The following CCNC variants were observed in gnomAD, a reference collection of about 807,000 sequenced individuals.
CCNC encodes cyclin-C.
Under a neutral mutation model 50.0 loss-of-function variants are expected in CCNC, and 19 were observed. The observed-to-expected ratio is 0.38, with a 90% CI of 0.27 to 0.56. The LOEUF (loss-of-function observed/expected upper bound fraction) is 0.56, where lower values mean the gene tolerates loss of function less well. Among genes scored for constraint, CCNC ranks in the 20% least tolerant of loss-of-function variants. The pLI, the probability that CCNC is intolerant of heterozygous loss-of-function variation, is 0.72. For missense variants in CCNC, 200 were observed against 327.1 expected (o/e 0.61, Z 3.00); for synonymous variants, 93 against 103.7 (o/e 0.90, Z 0.63).
chr6:99,549,899 A>G (rs574214683), intron 8 of CCNC, among the ~76,000 whole-genome samples: 2 of 152,330 alleles, frequency 1.3e-5, no homozygotes, highest in African/African-American at 4.8e-5. Context: ...CAGTAAATTT[A>G]TATGTATGTT....
Position 99,549,591 on chromosome 6 carries a change from T to C in CCNC, c.531-16A>G. 6.6e-7 allele frequency: 1 copy of C among 1,526,074 alleles called. No homozygotes were observed. The highest frequency in any genetic ancestry group is 9.1e-7 in the Non-Finnish European group (1 of 1,102,498). 94.5% of individuals were successfully genotyped at this position (1,526,074 alleles called of 1,614,324 possible). ...CACTATCCTCCTATAGAAATGTAAA[T>C]CATATTATTACTGAAAGCAGAACTA... On this transcript the variant is annotated splice_polypyrimidine_tract_variant and intron_variant, in intron 8 of 11. Transcript: ENST00000520429.
chr6:99,552,728 G>T (rs1802353421), intron 5 of CCNC, among the ~76,000 whole-genome samples: 1 of 152,140 alleles, frequency 6.6e-6, no homozygotes, highest in Admixed American at 6.5e-5. Context: ...AAGCCCAAGT[G>T]ATTTCACTGA....
chr6:99,559,494 G>C (rs889490577), intron 4 of CCNC, among the ~76,000 whole-genome samples: 5 of 152,052 alleles, frequency 3.3e-5, no homozygotes, highest in African/African-American at 1.2e-4. Flanking sequence ...ATCCTGTGTA[G>C]GGGAAATGTA....
intron 4 of CCNC, among the ~76,000 whole-genome samples, chr6:99,559,344 A>G (rs1388156052): frequency 6.6e-6 from 1 of 152,162 alleles, no homozygotes; most frequent in African/African-American, 2.4e-5. Context: ...TCCACCTTAT[A>G]TATACTGTTT....
intron 5 of CCNC, among the ~76,000 whole-genome samples, chr6:99,555,144 A>G (rs912113597): frequency 6.6e-6 from 1 of 152,214 alleles, no homozygotes; most frequent in Non-Finnish European, 1.5e-5. Flanking sequence ...AACTTTATCA[A>G]CTAGAGTACA....
chr6:99,562,662 AC>A (rs1191154853), intron 2 of CCNC, 179 bp downstream of exon 2: 1 of 516,354 alleles, frequency 1.9e-6, no homozygotes, highest in African/African-American at 2.0e-5. Context: ...TAAAATTCAC[AC>A]AAAAAAACTT....
chr6:99,558,873 G>T lies in CCNC; in HGVS notation c.295-325C>A, dbSNP rs1394509860. On this transcript the variant is annotated intron_variant, in intron 4 of 11. Transcript: ENST00000520429. Reference sequence around the variant, plus strand: ...AACGTTTCAAATTTTGGAGCATTTAGGATTTTCAGATTACGGATATTCTGC... The same window carrying T: ...AACGTTTCAAATTTTGGAGCATTTATGATTTTCAGATTACGGATATTCTGC... Among the ~76,000 whole-genome samples, 5 of 152,048 alleles carry T rather than the reference G, an allele frequency of 3.3e-5. No homozygotes were observed. In the East Asian group the frequency reaches 7.7e-4, roughly 23 times the overall value.
intron 1 of CCNC, among the ~76,000 whole-genome samples, chr6:99,564,271 A>G (rs1254258105): frequency 6.6e-6 from 1 of 152,148 alleles, no homozygotes; most frequent in African/African-American, 2.4e-5. Flanking sequence ...CTAAAATTAC[A>G]AAAATTAGCT....
At chr6:99,568,793 T>A (rs377239974), upstream of CCNC, 107 of 1,078,486 alleles carry the variant, frequency 9.9e-5, no homozygotes, top group African/African-American at 1.6e-3. Flanking sequence ...TGCTGACCCT[T>A]GGAGGTGCTG....
chr6:99,549,683 T>C, intron 8 of CCNC, 108 bp from the exon 9 acceptor site: 1 of 682,782 alleles, frequency 1.5e-6, no homozygotes, highest in Non-Finnish European at 2.6e-6. Context: ...ATTTATTTCC[T>C]TTTATACTAC....
In CCNC at chr6:99,542,958, T is replaced by C. The variant is rs1431288850; in HGVS notation, c.*597A>G. The stretch of plus-strand genomic sequence containing the variant: ...TGCTATACATATTGCACTTTTCTGC[T>C]AGGCTGGGCTAGTATCTTCCATGGC... On this transcript the variant is annotated 3_prime_UTR_variant, in exon 12 of 12. Coordinates refer to ENST00000520429, the MANE Select transcript of CCNC (RefSeq NM_005190.4). The C allele has an allele frequency of 6.6e-6, 1 of 152,586 alleles. No individual in the cohort carries two copies. Among genetic ancestry groups the C allele is most frequent in the African/African-American group, 2.4e-5 (1 of 41,462 alleles). The allele number at this position is 152,586 out of a possible 1,614,324, so 9.5% of individuals were successfully genotyped here.
chr6:99,557,907 G>C (rs1363760238), intron 5 of CCNC: 1 of 152,356 alleles, frequency 6.6e-6, no homozygotes, highest in Non-Finnish European at 1.5e-5. Flanking sequence ...AGGAGTGTGT[G>C]TGCTCACAGA....
rs371333092 is a variant in CCNC at position 99,549,558 on chromosome 6, G to A, written c.548C>T (p.Thr183Ile). The A allele has an allele frequency of 6.9e-6, 11 of 1,599,850 alleles. No individual in the cohort carries two copies. In the African/African-American group the frequency reaches 1.5e-4, roughly 21 times the overall value. ...CAGTAGGCAAAGATCCGTTCTGTAG[G>A]TATCATTCACTATCCTCCTATAGAA... ...LPLAWRIVND[T>I]YRTDLCLLYP... The change falls in exon 9 of 12, where the codon ACC becomes ATC. Residue 183 changes from threonine to isoleucine, a missense_variant. Thr to Ile is a moderately conservative substitution (Grantham distance 89). Coordinates refer to ENST00000520429, the MANE Select transcript of CCNC (RefSeq NM_005190.4).
intron 6 of CCNC, 53 bp downstream of exon 6, chr6:99,551,787 A>C: frequency 9.0e-7 from 1 of 1,105,900 alleles, no homozygotes; most frequent in Non-Finnish European, 1.2e-6. Context: ...TATAAAATAG[A>C]GCTAGTTTAT....
upstream of CCNC, chr6:99,568,767 G>A: frequency 7.6e-6 from 10 of 1,313,130 alleles, no homozygotes; most frequent in Non-Finnish European, 9.0e-6. Flanking sequence ...GGTAGCGGAG[G>A]GAGCCGGAGG....
chr6:99,548,636 G>A (rs777769220), intron 9 of CCNC, among the ~76,000 whole-genome samples: 4 of 151,936 alleles, frequency 2.6e-5, no homozygotes, highest in African/African-American at 7.3e-5. Context: ...CCAACATGGC[G>A]AAACCCTGTC....
chr6:99,564,799 A>G (rs1019574245), intron 1 of CCNC, among the ~76,000 whole-genome samples: 9 of 152,212 alleles, frequency 5.9e-5, no homozygotes, highest in African/African-American at 1.9e-4. Context: ...TTTTACTTTC[A>G]TGTTTGTCAG....
intron 11 of CCNC, chr6:99,544,238 G>A (rs1029556321): frequency 6.5e-7 from 1 of 1,534,720 alleles, no homozygotes; most frequent in African/African-American, 1.4e-5. Context: ...TGCAGCTTCA[G>A]GCCCTGCCAC....
chr6:99,551,843 A>G lies in CCNC; in HGVS notation c.399T>C (p.Asn133=). 1 of 1,428,756 alleles carries G rather than the reference A, an allele frequency of 7.0e-7. No homozygotes were observed. The highest frequency in any genetic ancestry group is 2.5e-5 in the East Asian group (1 of 39,226). The allele number at this position is 1,428,756 out of a possible 1,614,324, so 88.5% of individuals were successfully genotyped here. A position where few individuals can be genotyped will look rare whatever the true frequency, so the allele number is the denominator to read the frequency against. Residue 133 remains asparagine (N), a synonymous_variant, in exon 6 of 12, where the codon AAT becomes AAC. Transcript: ENST00000520429. ...AFPKEFPYRM[N]HILECEFYLL... ...CCATTTTATATCATATACTTACATG[A>G]TTCATCCTATAAGGAAATTCCTTTG...
Sources: allele counts gnomAD v4.1 joint callset (sites outside exome capture counted in the v4.1 genomes callset), GRCh38; gene constraint gnomAD v4.1.1; transcripts MANE v1.5; gene names NCBI Gene and HGNC (gene_info 2026-07-23, HGNC 2026-07-21).